The following CCDC91 variants were observed in gnomAD, a reference collection of about 807,000 sequenced individuals.
CCDC91 encodes the protein coiled-coil domain-containing protein 91.
A neutral mutation model predicts 63.2 loss-of-function variants in CCDC91; 48 were observed. The observed-to-expected ratio is 0.76, with a 90% CI of 0.60 to 0.97. The LOEUF (loss-of-function observed/expected upper bound fraction) is 0.97. Among genes scored for constraint, CCDC91 ranks in the 50% least tolerant of loss-of-function variants. The pLI is 0.00. For missense variants in CCDC91, 500 were observed against 494.6 expected (o/e 1.01, Z -0.10); for synonymous variants, 167 against 165.8 (o/e 1.01, Z -0.06).
At chr12:28,320,921 A>G (rs1940429942) in intron 6 of CCDC91, among the ~76,000 whole-genome samples, 1 of 151,842 alleles carries the variant, frequency 6.6e-6, no homozygotes, top group African/African-American at 2.4e-5. Flanking sequence ...AGAGTTGAAG[A>G]GCTGTACTCT....
chr12:28,266,034 C>G (rs1947161942), intron 3 of CCDC91, among the ~76,000 whole-genome samples: 1 of 151,978 alleles, frequency 6.6e-6, no homozygotes, highest in East Asian at 1.9e-4. Context: ...CTGTTTAACT[C>G]CTAGGTTATT....
intron 1 of CCDC91, among the ~76,000 whole-genome samples, chr12:28,228,674 A>G (rs1346594181): frequency 6.6e-6 from 1 of 152,112 alleles, no homozygotes. Context: ...GGACCCATAA[A>G]GAGTTAGTCT....
intron 3 of CCDC91, among the ~76,000 whole-genome samples, chr12:28,300,847 G>GC: frequency 6.6e-6 from 1 of 151,400 alleles, no homozygotes; most frequent in African/African-American, 2.4e-5. Flanking sequence ...GTACTGTATT[G>GC]TGTCTTTGTT....
chr12:28,480,702 CAAAA>C, intron 11 of CCDC91, among the ~76,000 whole-genome samples: 1 of 151,826 alleles, frequency 6.6e-6, no homozygotes, highest in Non-Finnish European at 1.5e-5. Context: ...TGTGTAGAAA[CAAAA>C]AATAAGTAAA....
rs116908185 is a variant in CCDC91, at chr12:28,347,859, C to T, written c.577-14579C>T. On this transcript the variant is annotated intron_variant, in intron 6 of 12. Coordinates refer to ENST00000536442, the MANE Select transcript of CCDC91 (RefSeq NM_018318.5). ...CCCTTGGCAAGAATTGTATAGTGTGCATCACCCCCTCTCCCCCAGATCAGC... is the reference window on the plus strand; with the variant it reads ...CCCTTGGCAAGAATTGTATAGTGTGTATCACCCCCTCTCCCCCAGATCAGC... 5.0e-4 allele frequency among the ~76,000 whole-genome samples: 76 copies of T among 152,314 alleles called. 1 individual carries two copies. In the East Asian group the frequency reaches 0.014, roughly 28 times the overall value.
intron 6 of CCDC91, among the ~76,000 whole-genome samples, chr12:28,334,443 A>G (rs1941766983): frequency 6.6e-6 from 1 of 152,144 alleles, no homozygotes; most frequent in African/African-American, 2.4e-5. Context: ...CAGGTGGCCT[A>G]AAATCATCTA....
chr12:28,400,353 C>A (rs968166468), intron 8 of CCDC91, among the ~76,000 whole-genome samples: 1 of 143,040 alleles, frequency 7.0e-6, no homozygotes, highest in African/African-American at 2.6e-5. Context: ...CCCCCACCCC[C>A]ACCCCCACCC....
At chr12:28,296,028 T>A (rs532366129) in intron 3 of CCDC91, among the ~76,000 whole-genome samples, 1 of 152,072 alleles carries the variant, frequency 6.6e-6, no homozygotes, top group East Asian at 1.9e-4. Context: ...TATCATTTTT[T>A]ATTGTATTTT....
intron 8 of CCDC91, among the ~76,000 whole-genome samples, chr12:28,425,393 C>T (rs904415420): frequency 6.6e-6 from 1 of 152,026 alleles, no homozygotes; most frequent in Non-Finnish European, 1.5e-5. Flanking sequence ...ACTCCTAGCC[C>T]TCTCCCCTTT....
intron 12 of CCDC91, among the ~76,000 whole-genome samples, chr12:28,515,317 A>G (rs1186730757): frequency 6.6e-6 from 1 of 151,748 alleles, no homozygotes; most frequent in Non-Finnish European, 1.5e-5. Flanking sequence ...GGTACCTCCT[A>G]TTATTGGTTT....
At chr12:28,476,916 C>T (rs1951130170) in intron 11 of CCDC91, among the ~76,000 whole-genome samples, 2 of 152,060 alleles carry the variant, frequency 1.3e-5, no homozygotes, top group Admixed American at 6.5e-5. Context: ...CAAGACTAAA[C>T]CAGGAAGAAG....
intron 12 of CCDC91, among the ~76,000 whole-genome samples, chr12:28,546,448 A>G (rs1942994445): frequency 6.6e-6 from 1 of 150,810 alleles, no homozygotes; most frequent in Non-Finnish European, 1.5e-5. Flanking sequence ...AGATAGGTGA[A>G]TTGTTCAAGG....
At chr12:28,389,833 A>G (rs1945826575) in intron 7 of CCDC91, among the ~76,000 whole-genome samples, 1 of 152,054 alleles carries the variant, frequency 6.6e-6, no homozygotes, top group Non-Finnish European at 1.5e-5. Flanking sequence ...TTATAACTAT[A>G]TTATTTTTTA....
chr12:28,536,298 A>G (rs1021698679), intron 12 of CCDC91, among the ~76,000 whole-genome samples: 10 of 152,318 alleles, frequency 6.6e-5, no homozygotes, highest in Admixed American at 6.5e-4. Context: ...TTTCTATCTA[A>G]AATGCTACCA....
intron 6 of CCDC91, among the ~76,000 whole-genome samples, chr12:28,329,653 C>A (rs1941324504): frequency 6.6e-6 from 1 of 152,006 alleles, no homozygotes; most frequent in African/African-American, 2.4e-5. Flanking sequence ...TTCTAGGGTA[C>A]ATGTGCACAA....
At chr12:28,337,433 T>C (rs1230649999) in intron 6 of CCDC91, among the ~76,000 whole-genome samples, 1 of 152,106 alleles carries the variant, frequency 6.6e-6, no homozygotes, top group Non-Finnish European at 1.5e-5. Context: ...TTCAAAATCA[T>C]CTTGTTTTTT....
At chr12:28,512,209 GA>G (rs1245968699) in intron 12 of CCDC91, among the ~76,000 whole-genome samples, 1 of 151,592 alleles carries the variant, frequency 6.6e-6, no homozygotes, top group Non-Finnish European at 1.5e-5. Flanking sequence ...ATTTGCAAGG[GA>G]AAAAGTACCA....
At chr12:28,282,343 T>C (rs1343096251) in intron 3 of CCDC91, among the ~76,000 whole-genome samples, 2 of 152,172 alleles carry the variant, frequency 1.3e-5, no homozygotes, top group Non-Finnish European at 2.9e-5. Flanking sequence ...CTACCACTTA[T>C]AAGTGAGAAC....
intron 11 of CCDC91, among the ~76,000 whole-genome samples, chr12:28,456,340 A>C (rs774690493): frequency 7.2e-5 from 11 of 152,116 alleles, no homozygotes; most frequent in Non-Finnish European, 1.2e-4. Flanking sequence ...GTTTGGGGTT[A>C]TATATTTAGC....
Sources: gnomAD v4.1 joint callset for allele counts (sites outside exome capture counted in the v4.1 genomes callset) on GRCh38, gnomAD v4.1.1 for gene constraint, MANE v1.5 for transcripts, NCBI Gene and HGNC (gene_info 2026-07-23, HGNC 2026-07-21) for gene names.